The following PARD6G variants were observed in gnomAD, a reference collection of about 807,000 sequenced individuals.
PARD6G encodes partitioning defective 6 homolog gamma.
In PARD6G, 7 loss-of-function variants were observed where a neutral mutation model predicts 10.7. The ratio of observed to expected loss-of-function variants is 0.66; its 90% CI spans 0.37 to 1.23. The LOEUF (loss-of-function observed/expected upper bound fraction) is 1.23. PARD6G is among the 50% of genes most tolerant of loss of function. The pLI, the probability that PARD6G is intolerant of heterozygous loss-of-function variation, is 0.02. For synonymous variants in PARD6G, 287 were observed against 269.4 expected (o/e 1.07, Z -0.64); for missense variants, 548 against 571.8 (o/e 0.96, Z 0.42).
At position 80,246,002 on chromosome 18, in the gene PARD6G, C is replaced by T. The variant is rs1967540858; in HGVS notation, c.72+1275G>A. ...CCATGCTGTTGCTGGGACACCTCCC[C>T]GCCTCAATCCTCTGCAGACACCCTG... is the stretch of plus-strand genomic sequence containing the variant. On this transcript the variant is annotated intron_variant, in intron 1 of 2. Coordinates refer to ENST00000353265, the MANE Select transcript of PARD6G (RefSeq NM_032510.4). This position sits in a 1 kb window ranked among gnomAD's most constrained non-coding sequence, Gnocchi z 6.7. Among the ~76,000 whole-genome samples the T allele has an allele frequency of 6.6e-6, 1 of 152,092 alleles. No homozygotes were observed. Among genetic ancestry groups the T allele is most frequent in the Admixed American group, 6.5e-5 (1 of 15,274 alleles).
Position 80,159,955 on chromosome 18 carries a change from G to T in PARD6G, c.947C>A (p.Pro316Gln). Residue 316 changes from proline to glutamine, a missense_variant, in exon 3 of 3, where the codon CCG becomes CAG. Transcript: ENST00000353265. ...GGAGAGGCTGCCTGCGGGCGCGCCC[G>T]GGGTCTGGGGGGGACGTGCAGGCTC... is the stretch of plus-strand genomic sequence containing the variant. ...TLEPARPPQT[P>Q]GAPAGSLSRV... 6.7e-7 allele frequency: 1 copy of T among 1,488,248 alleles called. No homozygotes were observed. Among genetic ancestry groups the T allele is most frequent in the Non-Finnish European group, 8.8e-7 (1 of 1,130,338 alleles). 92.2% of individuals were successfully genotyped at this position (1,488,248 alleles called of 1,614,324 possible).
intron 2 of PARD6G, among the ~76,000 whole-genome samples, chr18:80,165,338 T>C (rs1172841365): frequency 6.6e-6 from 1 of 152,234 alleles, no homozygotes. Flanking sequence ...ATAGGCTCTC[T>C]GCAAGAAGAA....
At chr18:80,220,279 T>C (rs1346787193) in intron 1 of PARD6G, among the ~76,000 whole-genome samples, 1 of 152,144 alleles carries the variant, frequency 6.6e-6, no homozygotes, top group Non-Finnish European at 1.5e-5. Flanking sequence ...GCCCCCATGA[T>C]TCAATTACCT....
At chr18:80,220,555 A>C (rs1297292246) in intron 1 of PARD6G, among the ~76,000 whole-genome samples, 1 of 152,156 alleles carries the variant, frequency 6.6e-6, no homozygotes, top group East Asian at 1.9e-4. Flanking sequence ...TTAGTTGTTA[A>C]TAATAAAGGA....
rs1285976534 is a variant in PARD6G at position 80,201,230 on chromosome 18, G to A, written c.295+1480C>T. On this transcript the variant is annotated intron_variant, in intron 2 of 2. Transcript: ENST00000353265. The surrounding 1 kb of genome is among the most constrained non-coding windows in gnomAD (Gnocchi z 5.9). The stretch of plus-strand genomic sequence containing the variant: ...CATCAGATCAAGCAGCTGAGACCAG[G>A]CCTTCCTGAGAAGGCAGCCTGTGAA... Among the ~76,000 whole-genome samples, 1 of 152,134 alleles carries A rather than the reference G, an allele frequency of 6.6e-6. No individual in the cohort carries two copies. The highest frequency in any genetic ancestry group is 1.5e-5 in the Non-Finnish European group (1 of 68,018).
At chr18:80,236,695 T>TG (rs1967427132) in intron 1 of PARD6G, among the ~76,000 whole-genome samples, 1 of 152,120 alleles carries the variant, frequency 6.6e-6, no homozygotes, top group Admixed American at 6.6e-5. Context: ...ACAAGCATTC[T>TG]TATACACCAA....
At chr18:80,242,626 C>T (rs1318924229) in intron 1 of PARD6G, among the ~76,000 whole-genome samples, 1 of 152,218 alleles carries the variant, frequency 6.6e-6, no homozygotes, top group Non-Finnish European at 1.5e-5. Flanking sequence ...GGCAAGGTCA[C>T]AACACTCTCA....
At chr18:80,221,673 A>G (rs1222699498) in intron 1 of PARD6G, among the ~76,000 whole-genome samples, 1 of 152,218 alleles carries the variant, frequency 6.6e-6, no homozygotes, top group Non-Finnish European at 1.5e-5. Flanking sequence ...CACATCATCT[A>G]TTTAACACTG....
intron 2 of PARD6G, among the ~76,000 whole-genome samples, chr18:80,167,717 G>A (rs1255644594): frequency 6.6e-6 from 1 of 152,044 alleles, no homozygotes; most frequent in Admixed American, 6.6e-5. Flanking sequence ...AACGCCCAGG[G>A]GATTTCTGAG....
chr18:80,221,463 T>C (rs1415043617), intron 1 of PARD6G, among the ~76,000 whole-genome samples: 1 of 152,186 alleles, frequency 6.6e-6, no homozygotes, highest in African/African-American at 2.4e-5. Context: ...CATATGATCA[T>C]GTCAATAGAT....
intron 1 of PARD6G, among the ~76,000 whole-genome samples, chr18:80,219,561 C>G (rs192647425): frequency 6.6e-6 from 1 of 152,162 alleles, no homozygotes; most frequent in Non-Finnish European, 1.5e-5. Context: ...AACTTTTATG[C>G]TCTGGTTCCT....
At position 80,192,658 on chromosome 18, in the gene PARD6G, C is replaced by G. The variant is rs948411695; in HGVS notation, c.295+10052G>C. On this transcript the variant is annotated intron_variant, in intron 2 of 2. Transcript: ENST00000353265. This position sits in a 1 kb window ranked among gnomAD's most constrained non-coding sequence, Gnocchi z 4.9. ...GAAGGGTACACTGTACTTTCTGAAC[C>G]TTACTGTGGTCCAGAACACCAAAGA... Among the ~76,000 whole-genome samples the G allele has an allele frequency of 6.6e-6, 1 of 152,172 alleles. No homozygotes were observed. Among genetic ancestry groups the G allele is most frequent in the South Asian group, 2.1e-4 (1 of 4,834 alleles).
chr18:80,220,879 A>G (rs1480253823), intron 1 of PARD6G, among the ~76,000 whole-genome samples: 1 of 152,088 alleles, frequency 6.6e-6, no homozygotes, highest in African/African-American at 2.4e-5. Context: ...CAGCCTCCTA[A>G]AAGTTTTCTA....
intron 2 of PARD6G, among the ~76,000 whole-genome samples, chr18:80,186,248 TCACA>T (rs759393015): frequency 8.1e-6 from 1 of 122,962 alleles, no homozygotes; most frequent in African/African-American, 3.2e-5. Context: ...GCATGCATCC[TCACA>T]CACATGCACC....
intron 2 of PARD6G, among the ~76,000 whole-genome samples, chr18:80,173,795 T>C (rs1457422024): frequency 6.6e-6 from 1 of 152,102 alleles, no homozygotes; most frequent in Admixed American, 6.5e-5. Context: ...CAAAAGGAAA[T>C]GGTGTCTCAG....
At chr18:80,215,411 C>T (rs1163382678) in intron 1 of PARD6G, among the ~76,000 whole-genome samples, 5 of 152,028 alleles carry the variant, frequency 3.3e-5, no homozygotes, top group African/African-American at 1.2e-4. Flanking sequence ...TTTAAAAGGA[C>T]AACTGCAGAA....
At chr18:80,233,997 A>G (rs1309085750) in intron 1 of PARD6G, among the ~76,000 whole-genome samples, 2 of 152,116 alleles carry the variant, frequency 1.3e-5, no homozygotes, top group Non-Finnish European at 2.9e-5. Flanking sequence ...AGAAGGGATG[A>G]GCTGCCAACC....
rs1195913449 is a variant in PARD6G at position 80,232,545 on chromosome 18, A to C, written c.72+14732T>G. Among the ~76,000 whole-genome samples, 8 of 152,140 alleles carry C rather than the reference A, an allele frequency of 5.3e-5. No individual in the cohort carries two copies. The East Asian group carries it at 1.5e-3, about 29-fold the overall frequency. On this transcript the variant is annotated intron_variant, in intron 1 of 2. Transcript: ENST00000353265. ...TATGAAAGTGGAAACCCCTGATAAAACCATCAGATCTCATGAGACTTATTC... is the reference window on the plus strand; with the variant it reads ...TATGAAAGTGGAAACCCCTGATAAACCCATCAGATCTCATGAGACTTATTC...
chr18:80,161,634 G>T lies in PARD6G; in HGVS notation c.296-1028C>A, dbSNP rs2052701385. 6.6e-6 allele frequency: 1 copy of T among 152,142 alleles called. No individual in the cohort carries two copies. The highest frequency in any genetic ancestry group is 1.5e-5 in the Non-Finnish European group (1 of 68,034). The allele number at this position is 152,142 out of a possible 1,614,324, so 9.4% of individuals were successfully genotyped here. A position where few individuals can be genotyped will look rare whatever the true frequency, so the allele number is the denominator to read the frequency against. ...GTTCTTGACACACACGACTCTGTAA[G>T]ACAGGCGTCTCGGGGAGCAGAGGGA... On this transcript the variant is annotated intron_variant, in intron 2 of 2. Transcript: ENST00000353265. The surrounding 1 kb of genome is among the most constrained non-coding windows in gnomAD (Gnocchi z 4.6).
Sources: gnomAD v4.1 joint callset for allele counts (sites outside exome capture counted in the v4.1 genomes callset) on GRCh38, gnomAD v4.1.1 for gene constraint, Gnocchi (gnomAD v3.1) non-coding constraint, MANE v1.5 for transcripts, NCBI Gene and HGNC (gene_info 2026-07-23, HGNC 2026-07-21) for gene names.